The following ANTXR1 variants were observed in gnomAD, a reference collection of about 807,000 sequenced individuals.
ANTXR1 encodes the protein anthrax toxin receptor 1.
In ANTXR1, 19 loss-of-function variants were observed where a neutral mutation model predicts 78.1. The observed-to-expected ratio is 0.24, with a 90% CI of 0.17 to 0.36. ANTXR1 has a LOEUF of 0.36. Among genes scored for constraint, ANTXR1 ranks in the 10% least tolerant of loss-of-function variants. ANTXR1 has a pLI of 1.00. For synonymous variants in ANTXR1, 273 were observed against 260.5 expected (o/e 1.05, Z -0.46); for missense variants, 518 against 718.6 (o/e 0.72, Z 3.19).
intron 2 of ANTXR1, among the ~76,000 whole-genome samples, chr2:69,041,522 G>C (rs1393146262): frequency 6.6e-6 from 1 of 152,188 alleles, no homozygotes; most frequent in Non-Finnish European, 1.5e-5. Context: ...AGTGGGATAG[G>C]CTTTGAAGTC....
At chr2:69,017,668 A>C (rs1172494488) in intron 1 of ANTXR1, among the ~76,000 whole-genome samples, 1 of 152,182 alleles carries the variant, frequency 6.6e-6, no homozygotes, top group East Asian at 1.9e-4. Flanking sequence ...GGGCTGCACA[A>C]GGCTTTATAC....
At chr2:69,119,474 G>A (rs1162321868) in intron 10 of ANTXR1, among the ~76,000 whole-genome samples, 2 of 152,252 alleles carry the variant, frequency 1.3e-5, no homozygotes, top group African/African-American at 2.4e-5. Flanking sequence ...GTTCGAGTCA[G>A]CCACGCCTGT....
intron 17 of ANTXR1, among the ~76,000 whole-genome samples, chr2:69,213,959 G>A (rs1208616985): frequency 6.6e-6 from 1 of 152,246 alleles, no homozygotes; most frequent in Non-Finnish European, 1.5e-5. Flanking sequence ...CATGGGAGGG[G>A]GTCAGCCCAG....
chr2:69,024,911 C>G (rs1573779066), intron 1 of ANTXR1, among the ~76,000 whole-genome samples: 1 of 152,178 alleles, frequency 6.6e-6, no homozygotes, highest in African/African-American at 2.4e-5. Context: ...ACTATCTTCC[C>G]TCTCACCTCT....
chr2:69,054,840 T>C (rs1362500243), intron 3 of ANTXR1, among the ~76,000 whole-genome samples: 1 of 152,186 alleles, frequency 6.6e-6, no homozygotes, highest in African/African-American at 2.4e-5. Flanking sequence ...TCATTTCATT[T>C]TGAGGTACTG....
At chr2:69,167,630 C>A (rs1673864975) in intron 13 of ANTXR1, among the ~76,000 whole-genome samples, 1 of 152,200 alleles carries the variant, frequency 6.6e-6, no homozygotes, top group African/African-American at 2.4e-5. Flanking sequence ...GCACCCTGCT[C>A]CCCAGGGGCA....
At chr2:69,199,655 G>T (rs1674730001) in intron 17 of ANTXR1, among the ~76,000 whole-genome samples, 1 of 152,080 alleles carries the variant, frequency 6.6e-6, no homozygotes, top group African/African-American at 2.4e-5. Flanking sequence ...AGCTTTCAAG[G>T]TCCCCCCCTA....
At chr2:69,146,216 G>C (rs1375431060) in intron 12 of ANTXR1, 1 of 985,254 alleles carries the variant, frequency 1.0e-6, no homozygotes, top group Admixed American at 6.2e-5. Context: ...TGAAGAAAAT[G>C]GATGATCCCC....
intron 1 of ANTXR1, among the ~76,000 whole-genome samples, chr2:69,035,800 T>G (rs1669383048): frequency 6.6e-6 from 1 of 152,360 alleles, no homozygotes; most frequent in South Asian, 2.1e-4. Context: ...TTTTATTTTC[T>G]TCTTCAGAAA....
intron 14 of ANTXR1, among the ~76,000 whole-genome samples, chr2:69,173,272 T>C (rs1249635067): frequency 6.6e-6 from 1 of 152,210 alleles, no homozygotes; most frequent in Non-Finnish European, 1.5e-5. Context: ...CTCTGGTTTG[T>C]ACAGAGCCCT....
chr2:69,160,131 C>T lies in ANTXR1; in HGVS notation c.1047+7867C>T, dbSNP rs75212790. On this transcript the variant is annotated intron_variant, in intron 13 of 17. Transcript: ENST00000303714. Reference sequence around the variant, plus strand: ...GCCTCCACCCATTCCCATATGGACACGCCTCAGGCTACAGCTGACAAGATT... The same window carrying T: ...GCCTCCACCCATTCCCATATGGACATGCCTCAGGCTACAGCTGACAAGATT... Among the ~76,000 whole-genome samples, 1,337 of 152,262 alleles carry T rather than the reference C, an allele frequency of 8.8e-3. 29 individuals are homozygous for T. The East Asian group carries it at 0.098, about 11-fold the overall frequency.
rs567484524 is a variant in ANTXR1 at position 69,046,662 on chromosome 2, A to C, written c.296+1849A>C. Among the ~76,000 whole-genome samples, 7 of 152,262 alleles carry C rather than the reference A, an allele frequency of 4.6e-5. No individual in the cohort carries two copies. In the East Asian group the frequency reaches 1.4e-3, roughly 29 times the overall value. ...CCCAACCTCATCAGCCTATGGAAGA[A>C]ATGTGGGCAAGATCTCTCTGAAACT... On this transcript the variant is annotated intron_variant, in intron 3 of 17. Transcript: ENST00000303714.
intron 12 of ANTXR1, among the ~76,000 whole-genome samples, chr2:69,126,562 C>A (rs1672546944): frequency 6.6e-6 from 1 of 152,160 alleles, no homozygotes; most frequent in African/African-American, 2.4e-5. Context: ...TTTGAGTGAT[C>A]CAACAGTTGG....
At chr2:69,098,388 G>A (rs1028563231) in intron 9 of ANTXR1, among the ~76,000 whole-genome samples, 1 of 152,092 alleles carries the variant, frequency 6.6e-6, no homozygotes, top group African/African-American at 2.4e-5. Context: ...TAAGAGGAGA[G>A]CAAATTCAAA....
At chr2:69,019,783 C>A (rs1671131348) in intron 1 of ANTXR1, among the ~76,000 whole-genome samples, 1 of 147,186 alleles carries the variant, frequency 6.8e-6, no homozygotes. Flanking sequence ...CTCTATGTGT[C>A]CATGTGTTCT....
intron 8 of ANTXR1, among the ~76,000 whole-genome samples, chr2:69,089,091 C>T (rs1478653424): frequency 1.3e-5 from 2 of 152,138 alleles, no homozygotes; most frequent in Non-Finnish European, 2.9e-5. Context: ...CTAATTACTT[C>T]CAACTGCGGA....
intron 12 of ANTXR1, among the ~76,000 whole-genome samples, chr2:69,146,972 G>A (rs1324953329): frequency 6.6e-6 from 1 of 152,258 alleles, no homozygotes; most frequent in Non-Finnish European, 1.5e-5. Flanking sequence ...GTGCAATCCG[G>A]GAAGGAGATC....
chr2:69,090,603 A>G (rs1671200849), intron 8 of ANTXR1: 1 of 549,426 alleles, frequency 1.8e-6, no homozygotes, highest in South Asian at 2.0e-5. Context: ...GCATAGGCTC[A>G]GTAAATACCT....
intron 14 of ANTXR1, among the ~76,000 whole-genome samples, chr2:69,176,785 TA>T: frequency 6.6e-6 from 1 of 152,364 alleles, no homozygotes; most frequent in East Asian, 1.9e-4. Flanking sequence ...GATTTAAAGC[TA>T]CTGCCTTGGG....
Sources: gnomAD v4.1 joint callset for allele counts (sites outside exome capture counted in the v4.1 genomes callset) on GRCh38, gnomAD v4.1.1 for gene constraint, MANE v1.5 for transcripts, NCBI Gene and HGNC (gene_info 2026-07-23, HGNC 2026-07-21) for gene names.